Variants in GLDC observed in about 807,000 individuals in gnomAD.
GLDC encodes the protein glycine dehydrogenase (decarboxylating), mitochondrial.
Under a neutral mutation model 121.3 loss-of-function variants are expected in GLDC, and 104 were observed. The observed-to-expected ratio is 0.86, with a 90% confidence interval of 0.73 to 1.01. The LOEUF is 1.01. Among genes scored for constraint, GLDC ranks in the 50% least tolerant of loss-of-function variants. The pLI, the probability that GLDC is intolerant of heterozygous loss-of-function variation, is 0.00. For synonymous variants in GLDC, 546 were observed against 480.6 expected (o/e 1.14, Z -1.78); for missense variants, 1,429 against 1,306.6 (o/e 1.09, Z -1.44).
At chr9:6,617,383 T>C (rs1043273960) in intron 3 of GLDC, among the ~76,000 whole-genome samples, 9 of 152,206 alleles carry the variant, frequency 5.9e-5, no homozygotes, top group Non-Finnish European at 2.9e-5. Flanking sequence ...ATGGTGAATA[T>C]TCTTTATGGC....
intron 2 of GLDC, among the ~76,000 whole-genome samples, chr9:6,621,470 A>G (rs1819092411): frequency 6.6e-6 from 1 of 152,128 alleles, no homozygotes; most frequent in Non-Finnish European, 1.5e-5. Flanking sequence ...ACTTTAACTC[A>G]CTGGACTAAG....
intron 2 of GLDC, among the ~76,000 whole-genome samples, chr9:6,628,243 T>C (rs1055852513): frequency 6.6e-6 from 1 of 152,210 alleles, no homozygotes; most frequent in South Asian, 2.1e-4. Flanking sequence ...CTTTTCCTCC[T>C]GAGTAGTAAA....
At chr9:6,641,812 C>T (rs552784564) in intron 2 of GLDC, among the ~76,000 whole-genome samples, 1 of 152,312 alleles carries the variant, frequency 6.6e-6, no homozygotes, top group South Asian at 2.1e-4. Flanking sequence ...AGACATTTAA[C>T]ACTCCTATAA....
At chr9:6,634,199 C>A (rs369995449) in intron 2 of GLDC, among the ~76,000 whole-genome samples, 8 of 151,842 alleles carry the variant, frequency 5.3e-5, no homozygotes, top group African/African-American at 1.9e-4. Flanking sequence ...TGTACTCCAG[C>A]CTGGGCAACA....
chr9:6,631,783 T>C (rs1328986876), intron 2 of GLDC, among the ~76,000 whole-genome samples: 1 of 152,188 alleles, frequency 6.6e-6, no homozygotes, highest in Non-Finnish European at 1.5e-5. Context: ...CAAAGGCATA[T>C]GGGCTGGGCA....
At chr9:6,639,553 T>C in intron 2 of GLDC, 1 of 776,008 alleles carries the variant, frequency 1.3e-6, no homozygotes, top group Non-Finnish European at 2.3e-6. Flanking sequence ...AAGGTATATG[T>C]TCGACTGGCT....
At chr9:6,553,335 A>G in intron 20 of GLDC, 33 bp downstream of exon 20, 1 of 1,608,908 alleles carries the variant, frequency 6.2e-7, no homozygotes, top group Non-Finnish European at 8.5e-7. Flanking sequence ...GCCCCCACCC[A>G]CCTGCACACC....
At chr9:6,552,746 AG>A (rs1563834135) in intron 20 of GLDC, among the ~76,000 whole-genome samples, 1 of 152,184 alleles carries the variant, frequency 6.6e-6, no homozygotes, top group Non-Finnish European at 1.5e-5. Flanking sequence ...TGGGCAGGGC[AG>A]TGTGAACAAG....
chr9:6,556,369 G>A (rs569513709), intron 17 of GLDC, 67 bp from the exon 18 acceptor site: 36 of 1,304,872 alleles, frequency 2.8e-5, no homozygotes, highest in Middle Eastern at 1.8e-4. Flanking sequence ...CCAAATCCTC[G>A]CCTTTCATTT....
chr9:6,619,052 A>C (rs1306596472), intron 3 of GLDC, among the ~76,000 whole-genome samples: 7 of 147,426 alleles, frequency 4.7e-5, no homozygotes, highest in African/African-American at 1.7e-4. Flanking sequence ...CTGAGGCAGG[A>C]GAATCACTTG....
intron 8 of GLDC, among the ~76,000 whole-genome samples, chr9:6,599,359 G>A (rs1441635185): frequency 1.3e-5 from 2 of 152,048 alleles, no homozygotes; most frequent in Non-Finnish European, 2.9e-5. Context: ...CAGCTGCACC[G>A]AAAGGGAAAA....
At chr9:6,581,937 T>A (rs575907398) in intron 15 of GLDC, among the ~76,000 whole-genome samples, 1 of 152,176 alleles carries the variant, frequency 6.6e-6, no homozygotes, top group South Asian at 2.1e-4. Flanking sequence ...ACATATAGGC[T>A]GGGCGTGGTG....
intron 16 of GLDC, among the ~76,000 whole-genome samples, chr9:6,564,509 C>G (rs1445664178): frequency 1.3e-5 from 2 of 152,170 alleles, no homozygotes; most frequent in Non-Finnish European, 2.9e-5. Flanking sequence ...CTTAGCCAGC[C>G]AGCACCACCC....
In GLDC at chr9:6,603,217, G is replaced by C. The variant is rs537727284; in HGVS notation, c.1059-1012C>G. Among the ~76,000 whole-genome samples the C allele has an allele frequency of 4.0e-5, 6 of 149,918 alleles. No individual in the cohort carries two copies. The East Asian group carries it at 7.8e-4, about 19-fold the overall frequency. On this transcript the variant is annotated intron_variant, in intron 7 of 24. Transcript: ENST00000321612. The stretch of plus-strand genomic sequence containing the variant: ...CACTCCAGCCTGGGTGACAGAGAGA[G>C]ACTCCGTCTCAAAAAATAAAAAAAA...
intron 9 of GLDC, among the ~76,000 whole-genome samples, chr9:6,594,420 G>T (rs565819755): frequency 6.6e-6 from 1 of 152,068 alleles, no homozygotes; most frequent in Non-Finnish European, 1.5e-5. Flanking sequence ...TCTAAGCCAG[G>T]CATGGTGGCT....
At chr9:6,643,809 G>T (rs1819677220) in intron 2 of GLDC, among the ~76,000 whole-genome samples, 1 of 151,724 alleles carries the variant, frequency 6.6e-6, no homozygotes, top group African/African-American at 2.4e-5. Flanking sequence ...CGAGGCAGAC[G>T]GATTGCCTGA....
rs1384742978 is a variant in GLDC at position 6,587,284 on chromosome 9, C to T, written c.1708-1G>A. 1 of 1,612,046 alleles carries T rather than the reference C, an allele frequency of 6.2e-7. No homozygotes were observed. The highest frequency in any genetic ancestry group is 8.5e-7 in the Non-Finnish European group (1 of 1,178,380). Reference sequence around the variant, plus strand: ...TTGCAAATTCTTTCCATGTGATAGGCTGAAAAGAAAGAAAACAAAAATGCA... The same window carrying T: ...TTGCAAATTCTTTCCATGTGATAGGTTGAAAAGAAAGAAAACAAAAATGCA... On this transcript the variant is annotated splice_acceptor_variant, in intron 14 of 24. Transcript: ENST00000321612. LOFTEE classifies it high-confidence loss of function.
At chr9:6,568,162 G>A (rs554232510) in intron 15 of GLDC, among the ~76,000 whole-genome samples, 151 of 152,246 alleles carry the variant, frequency 9.9e-4, no homozygotes, top group African/African-American at 3.6e-3. Context: ...AAGACTATAT[G>A]CTAAAGACTT....
chr9:6,558,781 A>G (rs1342790970), intron 16 of GLDC, 97 bp from the exon 17 acceptor site: 1 of 1,261,596 alleles, frequency 7.9e-7, no homozygotes, highest in Non-Finnish European at 1.2e-6. Context: ...CACAAATTAG[A>G]CACCACCTGT....
Sources: allele counts gnomAD v4.1 joint callset (sites outside exome capture counted in the v4.1 genomes callset), GRCh38; gene constraint gnomAD v4.1.1; transcripts MANE v1.5; gene names NCBI Gene and HGNC (gene_info 2026-07-23, HGNC 2026-07-21).